The following SVOPL variants were observed in gnomAD, a reference collection of about 807,000 sequenced individuals.
SVOPL encodes the protein SVOP like, also known as putative transporter SVOPL.
SVOPL carries 60 observed loss-of-function variants against 61.0 expected under a neutral mutation model. The observed-to-expected ratio is 0.98, with a 90% confidence interval of 0.80 to 1.22. The LOEUF (loss-of-function observed/expected upper bound fraction) is 1.22. Ranked by LOEUF, SVOPL falls within the 50% of genes most tolerant of loss-of-function variation. The pLI is 0.00. For missense variants in SVOPL, 662 were observed against 643.9 expected (o/e 1.03, Z -0.30); for synonymous variants, 279 against 250.0 (o/e 1.12, Z -1.09).
chr7:138,601,888 G>C (rs1798540812), intron 14 of SVOPL, among the ~76,000 whole-genome samples: 1 of 81,942 alleles, frequency 1.2e-5, no homozygotes, highest in South Asian at 3.5e-4. Flanking sequence ...TCCTTTGCCT[G>C]TTTTATGTTT....
chr7:138,606,969 AAC>A lies in SVOPL; in HGVS notation c.1354-10441_1354-10440del, dbSNP rs1491135522. ...ACTCTGTCTCAAGAAAACAAAACAA[AAC>A]AAAAAAAGAATTCTATGGAGGACTT... On this transcript the variant is annotated intron_variant, in intron 14 of 15. Transcript: ENST00000674285. Among the ~76,000 whole-genome samples, 52 of 134,602 alleles carry A rather than the reference AAC, an allele frequency of 3.9e-4. No individual in the cohort carries two copies. The East Asian group carries it at 6.2e-3, about 16-fold the overall frequency. The allele number at this position is 134,602 out of a possible 152,430, so 88.3% of individuals were successfully genotyped here. A position where few individuals can be genotyped will look rare whatever the true frequency, so the allele number is the denominator to read the frequency against.
chr7:138,698,593 T>C (rs1803123930), intron 1 of SVOPL, among the ~76,000 whole-genome samples: 1 of 152,070 alleles, frequency 6.6e-6, no homozygotes, highest in South Asian at 2.1e-4. Flanking sequence ...AGACACCACG[T>C]ATGAAGGAAA....
chr7:138,594,536 T>G lies in SVOPL; in HGVS notation c.*74A>C. 6.8e-7 allele frequency: 1 copy of G among 1,477,842 alleles called. No homozygotes were observed. The highest frequency in any genetic ancestry group is 1.4e-5 in the African/African-American group (1 of 70,680). The allele number at this position is 1,477,842 out of a possible 1,614,324, so 91.5% of individuals were successfully genotyped here. ...AGTAGCATACAGAAGTAAAACCAAG[T>G]TTTAAAAAAATGCACCGCAGTTCTG... On this transcript the variant is annotated 3_prime_UTR_variant, in exon 16 of 16. Transcript: ENST00000674285.
chr7:138,596,180 C>T (rs1362535447), intron 15 of SVOPL, among the ~76,000 whole-genome samples: 1 of 123,512 alleles, frequency 8.1e-6, no homozygotes, highest in African/African-American at 2.9e-5. Flanking sequence ...CAGAGTCAGA[C>T]TCTGTCTTAA....
chr7:138,681,269 C>T (rs931243686), intron 1 of SVOPL, among the ~76,000 whole-genome samples: 1 of 147,662 alleles, frequency 6.8e-6, no homozygotes, highest in Non-Finnish European at 1.5e-5. Context: ...CAAACCCAGG[C>T]ACTTTAGGTG....
chr7:138,608,334 A>C (rs941217139), intron 14 of SVOPL, among the ~76,000 whole-genome samples: 1 of 152,244 alleles, frequency 6.6e-6, no homozygotes, highest in Non-Finnish European at 1.5e-5. Flanking sequence ...ATCTCATTAG[A>C]GTAATAAAAA....
At chr7:138,670,473 T>A (rs1802387530) in intron 4 of SVOPL, among the ~76,000 whole-genome samples, 1 of 152,182 alleles carries the variant, frequency 6.6e-6, no homozygotes, top group Non-Finnish European at 1.5e-5. Context: ...GACAACGGGA[T>A]GACTCCACCC....
chr7:138,631,960 T>TCACACACACACACACACACACACA lies in SVOPL; in HGVS notation c.790-1862_790-1839dup, dbSNP rs756332176. Among the ~76,000 whole-genome samples, 870 of 147,004 alleles carry TCACACACACACACACACACACACA rather than the reference T, an allele frequency of 5.9e-3. 9 individuals are homozygous for TCACACACACACACACACACACACA. Among genetic ancestry groups the TCACACACACACACACACACACACA allele is most frequent in the African/African-American group, 0.017 (666 of 39,404 alleles). On this transcript the variant is annotated intron_variant, in intron 9 of 15. Transcript: ENST00000674285. ...TGGCTCAGTCCCTTCTGCTCTGATATCACACACACACACACACACACACAT... is the reference window on the plus strand; with the variant it reads ...TGGCTCAGTCCCTTCTGCTCTGATATCACACACACACACACACACACACACACACACACACACACACACACACAT...
At chr7:138,620,903 A>G (rs1799533980) in intron 14 of SVOPL, 143 bp downstream of exon 14, 1 of 767,654 alleles carries the variant, frequency 1.3e-6, no homozygotes, top group African/African-American at 1.8e-5. Context: ...ACCTAAATCC[A>G]CCAAACAGCA....
intron 9 of SVOPL, among the ~76,000 whole-genome samples, chr7:138,637,913 C>T (rs1358480710): frequency 6.6e-6 from 1 of 152,130 alleles, no homozygotes; most frequent in Non-Finnish European, 1.5e-5. Flanking sequence ...GATCGTGCCA[C>T]TGCACTCCAG....
intron 1 of SVOPL, among the ~76,000 whole-genome samples, chr7:138,692,069 G>A (rs1802955680): frequency 6.6e-6 from 1 of 152,002 alleles, no homozygotes; most frequent in Admixed American, 6.6e-5. Flanking sequence ...TCAGCACTTT[G>A]GGAGGCCGAG....
intron 14 of SVOPL, 150 bp from the exon 15 acceptor site, chr7:138,596,680 C>G: frequency 7.3e-6 from 10 of 1,378,770 alleles, no homozygotes; most frequent in Non-Finnish European, 9.4e-6. Context: ...ATTGATTTAT[C>G]TGAGCCAATC....
At chr7:138,595,796 T>A (rs1405331890) in intron 15 of SVOPL, among the ~76,000 whole-genome samples, 1 of 152,174 alleles carries the variant, frequency 6.6e-6, no homozygotes, top group East Asian at 1.9e-4. Context: ...CCTTTCCAAG[T>A]AAGGAACCTA....
intron 9 of SVOPL, among the ~76,000 whole-genome samples, chr7:138,636,015 T>C (rs897016331): frequency 6.6e-5 from 10 of 152,302 alleles, no homozygotes; most frequent in African/African-American, 2.4e-4. Context: ...TCCTCCCAGA[T>C]GCAAGTGATT....
intron 1 of SVOPL, among the ~76,000 whole-genome samples, chr7:138,696,071 C>G (rs956753211): frequency 6.6e-6 from 1 of 152,012 alleles, no homozygotes; most frequent in Non-Finnish European, 1.5e-5. Flanking sequence ...CGTGGGCCAC[C>G]GCACCCAGCC....
chr7:138,614,846 C>A (rs1799218098), intron 14 of SVOPL, among the ~76,000 whole-genome samples: 1 of 152,346 alleles, frequency 6.6e-6, no homozygotes, highest in South Asian at 2.1e-4. Context: ...TTTCCACTGA[C>A]ATCTCTTTGA....
chr7:138,661,203 A>C (rs1289524678), intron 5 of SVOPL: 6 of 985,438 alleles, frequency 6.1e-6, no homozygotes, highest in Non-Finnish European at 7.2e-6. Flanking sequence ...GCAAATAGAA[A>C]AGACAGACCT....
intron 14 of SVOPL, among the ~76,000 whole-genome samples, chr7:138,598,587 G>A (rs1025171588): frequency 6.6e-6 from 1 of 152,050 alleles, no homozygotes; most frequent in African/African-American, 2.4e-5. Context: ...GGATCCTCAA[G>A]AGATTTAAAA....
At position 138,660,902 on chromosome 7, in the gene SVOPL, C is replaced by T. The variant is rs569498230; in HGVS notation, c.346-914G>A. ...ATGTCCATTTCAACGGTGCAGGACT[C>T]TTTAAGGAAAAATTTCCTTACATAT... On this transcript the variant is annotated intron_variant, in intron 5 of 15. Transcript: ENST00000674285. 50 of 985,182 alleles carry T rather than the reference C, an allele frequency of 5.1e-5. No homozygotes were observed. In the South Asian group the frequency reaches 2.2e-3, roughly 43 times the overall value. The allele number at this position is 985,182 out of a possible 1,614,324, so 61.0% of individuals were successfully genotyped here.
Sources: allele counts gnomAD v4.1 joint callset (sites outside exome capture counted in the v4.1 genomes callset), GRCh38; gene constraint gnomAD v4.1.1; transcripts MANE v1.5; gene names NCBI Gene and HGNC (gene_info 2026-07-23, HGNC 2026-07-21).